The following KAZN variants were observed in gnomAD, a reference collection of about 807,000 sequenced individuals.
KAZN encodes the protein kazrin.
In KAZN, 40 loss-of-function variants were observed where a neutral mutation model predicts 87.4. The ratio of observed to expected loss-of-function variants is 0.46; its 90% confidence interval spans 0.36 to 0.60. The LOEUF is 0.60. Among genes scored for constraint, KAZN ranks in the 20% least tolerant of loss-of-function variants. The pLI is 0.00. For missense variants in KAZN, 898 were observed against 1,073.9 expected, an observed-to-expected ratio of 0.84 and a Z score of 2.29; for synonymous variants, 466 against 458.3, an observed-to-expected ratio of 1.02 and a Z score of -0.22.
At chr1:14,761,664 C>T (rs1300987960) in intron 1 of KAZN, among the ~76,000 whole-genome samples, 1 of 152,134 alleles carries the variant, frequency 6.6e-6, no homozygotes, top group African/African-American at 2.4e-5. Context: ...AATAATCTTC[C>T]TTTCTTCTCC....
At chr1:14,190,184 T>C (rs1255258105) in intron 2 of KAZN, among the ~76,000 whole-genome samples, 1 of 152,156 alleles carries the variant, frequency 6.6e-6, no homozygotes, top group African/African-American at 2.4e-5. Context: ...GCATGGTTAA[T>C]TTGTTCAACA....
chr1:14,728,296 A>T (rs1643513976), intron 1 of KAZN, among the ~76,000 whole-genome samples: 1 of 149,202 alleles, frequency 6.7e-6, no homozygotes, highest in Non-Finnish European at 1.5e-5. Flanking sequence ...ATATAAAAAA[A>T]AAAAAAAAAA....
intron 1 of KAZN, among the ~76,000 whole-genome samples, chr1:14,881,586 G>GCTGAGGACAATAACC (rs1459002359): frequency 8.5e-5 from 13 of 152,052 alleles, no homozygotes; most frequent in African/African-American, 3.1e-4. Flanking sequence ...GAATACAGTG[G>GCTGAGGACAATAACC]TGAGCCAAGC....
chr1:14,586,927 GT>G (rs940717586), intron 2 of KAZN, among the ~76,000 whole-genome samples: 1 of 152,118 alleles, frequency 6.6e-6, no homozygotes, highest in Non-Finnish European at 1.5e-5. Context: ...ATTGGGTGAT[GT>G]TTTTTCCTCA....
intron 2 of KAZN, among the ~76,000 whole-genome samples, chr1:14,210,377 T>G (rs544264850): frequency 6.6e-6 from 1 of 152,304 alleles, no homozygotes; most frequent in Non-Finnish European, 1.5e-5. Context: ...AAACCTCTTT[T>G]TCTTTATAAA....
chr1:14,122,789 A>T (rs1644779682), intron 1 of KAZN, among the ~76,000 whole-genome samples: 1 of 152,198 alleles, frequency 6.6e-6, no homozygotes, highest in Non-Finnish European at 1.5e-5. Flanking sequence ...GTAGATTTCT[A>T]CAACATCATG....
chr1:14,727,982 G>T (rs1365923015), intron 1 of KAZN, among the ~76,000 whole-genome samples: 1 of 151,832 alleles, frequency 6.6e-6, no homozygotes, highest in Non-Finnish European at 1.5e-5. Flanking sequence ...TAGGGTTTGC[G>T]CTCCTATGAG....
At chr1:13,929,901 T>C (rs570223776) in intron 1 of KAZN, among the ~76,000 whole-genome samples, 1 of 152,312 alleles carries the variant, frequency 6.6e-6, no homozygotes, top group East Asian at 1.9e-4. Context: ...GTTATATCCA[T>C]TTGATAGGTG....
At chr1:14,982,783 GTGT>G (rs1344987776) in intron 2 of KAZN, among the ~76,000 whole-genome samples, 1 of 152,210 alleles carries the variant, frequency 6.6e-6, no homozygotes, top group East Asian at 1.9e-4. Context: ...CCGGTGACCG[GTGT>G]TGTCAGGGAA....
intron 4 of KAZN, 61 bp downstream of exon 4, chr1:15,044,220 G>A (rs1573161733): frequency 2.8e-6 from 4 of 1,449,540 alleles, no homozygotes; most frequent in South Asian, 1.5e-5. Flanking sequence ...GCTGGGAGCC[G>A]GGACGTCTGG....
At chr1:15,072,202 T>C (rs921750954) in intron 8 of KAZN, among the ~76,000 whole-genome samples, 17 of 152,200 alleles carry the variant, frequency 1.1e-4, no homozygotes, top group Non-Finnish European at 8.8e-5. Flanking sequence ...GAATGTGTTT[T>C]TGGAGTCTGA....
At chr1:14,356,747 G>A (rs560699798) in intron 2 of KAZN, among the ~76,000 whole-genome samples, 121 of 152,118 alleles carry the variant, frequency 8.0e-4, no homozygotes, top group African/African-American at 2.3e-3. Context: ...GATGTGTGGC[G>A]TTATTTCTGA....
intron 1 of KAZN, among the ~76,000 whole-genome samples, chr1:14,953,071 G>A (rs923760784): frequency 6.6e-6 from 1 of 152,214 alleles, no homozygotes; most frequent in South Asian, 2.1e-4. Context: ...ACTGCACTGC[G>A]TGCCTCCCAA....
intron 1 of KAZN, among the ~76,000 whole-genome samples, chr1:14,065,602 T>G (rs2101535492): frequency 6.6e-6 from 1 of 151,182 alleles, no homozygotes; most frequent in African/African-American, 2.4e-5. Context: ...GGAAAACTGC[T>G]TCAAACAGCA....
chr1:14,943,683 T>C (rs1468097610), intron 1 of KAZN, among the ~76,000 whole-genome samples: 2 of 152,222 alleles, frequency 1.3e-5, no homozygotes, highest in Non-Finnish European at 2.9e-5. Flanking sequence ...TCAAGATCAC[T>C]TGGTTAGTAA....
intron 2 of KAZN, among the ~76,000 whole-genome samples, chr1:14,990,354 C>G (rs1667233693): frequency 6.6e-6 from 1 of 152,176 alleles, no homozygotes; most frequent in African/African-American, 2.4e-5. Flanking sequence ...TCCCGAGTAG[C>G]TAGGACTACA....
At chr1:15,097,495 A>G (rs1640853579) in intron 10 of KAZN, among the ~76,000 whole-genome samples, 1 of 152,118 alleles carries the variant, frequency 6.6e-6, no homozygotes, top group African/African-American at 2.4e-5. Context: ...CACAACATCA[A>G]TGCAGGATAG....
chr1:15,035,605 T>A (rs1672180508), intron 3 of KAZN, among the ~76,000 whole-genome samples: 1 of 152,206 alleles, frequency 6.6e-6, no homozygotes, highest in African/African-American at 2.4e-5. Context: ...CCTAGCACTT[T>A]GGGAGACCCA....
chr1:14,744,980 T>C (rs537955146), intron 1 of KAZN, among the ~76,000 whole-genome samples: 4 of 152,238 alleles, frequency 2.6e-5, no homozygotes, highest in Admixed American at 1.3e-4. Context: ...CGCCTGAGCC[T>C]GGAGCTACCC....
Sources: allele counts gnomAD v4.1 joint callset (sites outside exome capture counted in the v4.1 genomes callset), GRCh38; gene constraint gnomAD v4.1.1; transcripts MANE v1.5; gene names NCBI Gene and HGNC (gene_info 2026-07-23, HGNC 2026-07-21).